KCNMA1: variants seen among roughly 807,000 people sequenced by gnomAD.
The protein encoded by KCNMA1 is potassium calcium-activated channel subfamily M alpha 1, also known as Calcium-activated potassium channel subunit alpha-1.
Under a neutral mutation model 140.0 loss-of-function variants are expected in KCNMA1, and 29 were observed. The observed-to-expected ratio is 0.21, with a 90% confidence interval of 0.15 to 0.28. The LOEUF (loss-of-function observed/expected upper bound fraction) is 0.28, where lower values mean the gene tolerates loss of function less well. KCNMA1 is among the 10% of genes least tolerant of loss of function. The pLI, the probability that KCNMA1 is intolerant of heterozygous loss-of-function variation, is 1.00. For synonymous variants in KCNMA1, 612 were observed against 611.9 expected (o/e 1.00, Z 0.00); for missense variants, 880 against 1,602.2 (o/e 0.55, Z 7.70).
At chr10:77,269,652 C>G (rs2064426615) in intron 2 of KCNMA1, among the ~76,000 whole-genome samples, 1 of 152,194 alleles carries the variant, frequency 6.6e-6, no homozygotes, top group African/African-American at 2.4e-5. Flanking sequence ...GCCACCTGAA[C>G]AGCCAATGGG....
At chr10:77,635,045 T>C (rs1441232265) in intron 1 of KCNMA1, 1 of 152,164 alleles carries the variant, frequency 6.6e-6, no homozygotes, top group Admixed American at 6.5e-5. Flanking sequence ...TCACCTCTCA[T>C]CCCTGGCAGA....
At chr10:77,636,199 T>C (rs1338723112) in intron 1 of KCNMA1, 37 of 1,425,296 alleles carry the variant, frequency 2.6e-5, no homozygotes, top group Non-Finnish European at 3.3e-5. Context: ...GCTCACTCTC[T>C]TTTTTCCAGT....
At chr10:77,479,723 T>C (rs935388438) in intron 1 of KCNMA1, among the ~76,000 whole-genome samples, 1 of 152,198 alleles carries the variant, frequency 6.6e-6, no homozygotes, top group African/African-American at 2.4e-5. Flanking sequence ...CCCTCGCCCC[T>C]GTGCCCCGGC....
intron 23 of KCNMA1, among the ~76,000 whole-genome samples, chr10:76,917,891 GC>G (rs1434389523): frequency 2.0e-5 from 3 of 152,186 alleles, no homozygotes; most frequent in Non-Finnish European, 4.4e-5. Context: ...CGGCAGGATT[GC>G]CCCAGATTCC....
intron 1 of KCNMA1, chr10:77,636,144 C>G: frequency 3.8e-6 from 5 of 1,307,096 alleles, no homozygotes; most frequent in Non-Finnish European, 5.0e-6. Context: ...ACGGTTCGCG[C>G]GTGAAGTCCC....
chr10:77,196,532 G>A (rs1184559544), intron 3 of KCNMA1, among the ~76,000 whole-genome samples: 1 of 152,142 alleles, frequency 6.6e-6, no homozygotes, highest in Non-Finnish European at 1.5e-5. Flanking sequence ...AACATGTTAT[G>A]AAATTCTAAG....
chr10:77,013,975 AT>A (rs1282401045), intron 17 of KCNMA1, among the ~76,000 whole-genome samples: 1 of 152,188 alleles, frequency 6.6e-6, no homozygotes, highest in Non-Finnish European at 1.5e-5. Flanking sequence ...TTTTAATTTA[AT>A]TTTTATTTTT....
At chr10:77,215,962 T>C (rs923555769) in intron 3 of KCNMA1, among the ~76,000 whole-genome samples, 2 of 151,628 alleles carry the variant, frequency 1.3e-5, no homozygotes, top group African/African-American at 4.8e-5. Flanking sequence ...AAGGTGGCCA[T>C]CTGCAACCCT....
At chr10:76,943,844 G>A (rs72803362) in intron 23 of KCNMA1, among the ~76,000 whole-genome samples, 10,823 of 152,196 alleles carry the variant, frequency 0.071, 565 homozygotes, top group Non-Finnish European at 0.11. Context: ...ATGGGGAGGA[G>A]GTCAGACACT....
chr10:77,425,345 G>A lies in KCNMA1; in HGVS notation c.379-21322C>T, dbSNP rs187817288. ...CTAAATGCCCCCTCCCTGGATTCCT[G>A]CAGCACTTGAATTTAGGCTTCTGAG... On this transcript the variant is annotated intron_variant, in intron 1 of 27. Transcript: ENST00000286628. 3.1e-3 allele frequency among the ~76,000 whole-genome samples: 473 copies of A among 152,254 alleles called. 2 individuals are homozygous for A. The highest frequency in any genetic ancestry group is 5.8e-3 in the Non-Finnish European group (393 of 68,024).
intron 3 of KCNMA1, among the ~76,000 whole-genome samples, chr10:77,206,925 C>G (rs1184835075): frequency 6.6e-6 from 1 of 152,052 alleles, no homozygotes; most frequent in Non-Finnish European, 1.5e-5. Flanking sequence ...TCAGGCTGCT[C>G]CCACCTCACT....
intron 23 of KCNMA1, among the ~76,000 whole-genome samples, chr10:76,931,790 C>T (rs924691389): frequency 2.6e-5 from 4 of 152,176 alleles, no homozygotes; most frequent in Admixed American, 1.3e-4. Flanking sequence ...AGTCCTTCCT[C>T]AACTCCTCTG....
intron 1 of KCNMA1, among the ~76,000 whole-genome samples, chr10:77,463,529 C>T (rs1226559891): frequency 3.9e-5 from 6 of 152,152 alleles, no homozygotes; most frequent in South Asian, 2.1e-4. Context: ...AGAGAGGAGC[C>T]GCTCTGCAAG....
chr10:77,208,560 T>C (rs1334518193), intron 3 of KCNMA1, among the ~76,000 whole-genome samples: 2 of 151,936 alleles, frequency 1.3e-5, no homozygotes, highest in Non-Finnish European at 2.9e-5. Context: ...AGCAAAAAAA[T>C]CAAATGCAAT....
At chr10:77,563,743 A>G (rs774441378) in intron 1 of KCNMA1, among the ~76,000 whole-genome samples, 3 of 152,140 alleles carry the variant, frequency 2.0e-5, no homozygotes, top group Non-Finnish European at 4.4e-5. Flanking sequence ...ATCCTCCCCT[A>G]ACACATCCCT....
At position 76,885,448 on chromosome 10, in the gene KCNMA1, G is replaced by A; in HGVS notation, c.*1818C>T. 1.0e-6 allele frequency: 1 copy of A among 985,158 alleles called. No homozygotes were observed. Among genetic ancestry groups the A allele is most frequent in the Non-Finnish European group, 1.2e-6 (1 of 829,890 alleles). 61.0% of individuals were successfully genotyped at this position (985,158 alleles called of 1,614,324 possible). On this transcript the variant is annotated 3_prime_UTR_variant, in exon 28 of 28. Transcript: ENST00000286628. ...GTGGGGGAGGGTGGAGGTTCTGACT[G>A]AGCCTCACCATTTGTCAGTAAAAGT...
chr10:77,303,143 C>T (rs182749563), intron 2 of KCNMA1, among the ~76,000 whole-genome samples: 9 of 152,156 alleles, frequency 5.9e-5, no homozygotes, highest in African/African-American at 1.2e-4. Context: ...AGCTCATTTA[C>T]GATGGCATTT....
In KCNMA1 at chr10:77,035,507, C is replaced by CTTGGCATTTG. The variant is rs374832224; in HGVS notation, c.1859+4011_1859+4020dup. Among the ~76,000 whole-genome samples, 1,009 of 152,280 alleles carry CTTGGCATTTG rather than the reference C, an allele frequency of 6.6e-3. 12 individuals are homozygous for CTTGGCATTTG. The highest frequency in any genetic ancestry group is 0.023 in the African/African-American group (973 of 41,538). ...CACCCTAGGGAAACTGAATATTTTA[C>CTTGGCATTTG]TTGGCATTTGTTGGCATTTGTAAGT... On this transcript the variant is annotated intron_variant, in intron 15 of 27. Transcript: ENST00000286628.
chr10:77,068,810 A>G (rs1323556727), intron 14 of KCNMA1, among the ~76,000 whole-genome samples: 3 of 141,840 alleles, frequency 2.1e-5, no homozygotes, highest in Admixed American at 1.4e-4. Context: ...TGGAAGTCCC[A>G]ATGTACATTG....
Sources: gnomAD v4.1 joint callset for allele counts (sites outside exome capture counted in the v4.1 genomes callset) on GRCh38, gnomAD v4.1.1 for gene constraint, MANE v1.5 for transcripts, NCBI Gene and HGNC (gene_info 2026-07-23, HGNC 2026-07-21) for gene names.